Variants in CSMD1 observed in about 807,000 individuals in gnomAD.
CSMD1 encodes CUB and Sushi multiple domains 1.
Under a neutral mutation model 417.5 loss-of-function variants are expected in CSMD1, and 213 were observed. The observed-to-expected ratio is 0.51, with a 90% CI of 0.46 to 0.57. The LOEUF (loss-of-function observed/expected upper bound fraction) is 0.57, where lower values mean the gene tolerates loss of function less well. CSMD1 is among the 20% of genes least tolerant of loss of function. The pLI, the probability that CSMD1 is intolerant of heterozygous loss-of-function variation, is 0.00. For missense variants in CSMD1, 6,923 were observed against 4,529.7 expected (o/e 1.53, Z -15.17); for synonymous variants, 2,862 against 1,736.8 (o/e 1.65, Z -16.11).
At chr8:4,072,134 G>A (rs746238664) in intron 3 of CSMD1, among the ~76,000 whole-genome samples, 23 of 152,134 alleles carry the variant, frequency 1.5e-4, no homozygotes, top group Non-Finnish European at 2.6e-4. Context: ...CAACTCCTTC[G>A]GAATCTGCCT....
chr8:4,247,840 T>A (rs979955338), intron 3 of CSMD1, among the ~76,000 whole-genome samples: 3 of 152,186 alleles, frequency 2.0e-5, no homozygotes, highest in African/African-American at 7.2e-5. Flanking sequence ...ACATTATTAA[T>A]AAATTCTATC....
At chr8:3,766,382 C>A (rs12678855) in intron 5 of CSMD1, among the ~76,000 whole-genome samples, 1 of 152,080 alleles carries the variant, frequency 6.6e-6, no homozygotes, top group Non-Finnish European at 1.5e-5. Flanking sequence ...AAAACGAAAC[C>A]TCCAAGTGCC....
intron 50 of CSMD1, among the ~76,000 whole-genome samples, chr8:3,035,668 G>T (rs1382738495): frequency 6.6e-6 from 1 of 152,122 alleles, no homozygotes; most frequent in Non-Finnish European, 1.5e-5. Context: ...GGAAAATGTA[G>T]CAAAAGAAAG....
intron 49 of CSMD1, among the ~76,000 whole-genome samples, chr8:3,066,453 C>T (rs1194653608): frequency 6.6e-5 from 10 of 152,192 alleles, no homozygotes; most frequent in Non-Finnish European, 1.5e-4. Flanking sequence ...ACAGACCCTG[C>T]AGCCAACAAG....
chr8:4,200,733 G>A (rs7004082), intron 3 of CSMD1, among the ~76,000 whole-genome samples: 14,178 of 152,122 alleles, frequency 0.093, 1,007 homozygotes, highest in African/African-American at 0.19. Flanking sequence ...ATGGTTGTGT[G>A]TATCTGTAGT....
At chr8:3,896,371 T>C (rs75891997) in intron 5 of CSMD1, among the ~76,000 whole-genome samples, 5,434 of 152,224 alleles carry the variant, frequency 0.036, 195 homozygotes, top group African/African-American at 0.092. Context: ...AGACTAATAG[T>C]CCAAACAGAT....
At chr8:3,645,477 A>G (rs1313546540) in intron 7 of CSMD1, among the ~76,000 whole-genome samples, 1 of 152,198 alleles carries the variant, frequency 6.6e-6, no homozygotes, top group South Asian at 2.1e-4. Flanking sequence ...CTAACTGAAA[A>G]TGGGACAGTG....
intron 10 of CSMD1, among the ~76,000 whole-genome samples, chr8:3,514,593 G>A (rs1797210988): frequency 6.6e-6 from 1 of 152,120 alleles, no homozygotes; most frequent in South Asian, 2.1e-4. Flanking sequence ...ATATTTAAGT[G>A]TATTTGTTTT....
At chr8:3,702,539 A>G (rs1027893549) in intron 7 of CSMD1, among the ~76,000 whole-genome samples, 1 of 152,246 alleles carries the variant, frequency 6.6e-6, no homozygotes, top group Non-Finnish European at 1.5e-5. Flanking sequence ...TCATTAAAAA[A>G]TAGAGTGCTG....
At chr8:4,482,594 C>A (rs1801158913) in intron 2 of CSMD1, among the ~76,000 whole-genome samples, 1 of 152,210 alleles carries the variant, frequency 6.6e-6, no homozygotes, top group African/African-American at 2.4e-5. Flanking sequence ...GTTTTATATT[C>A]CTTTGGGTAT....
At chr8:4,149,158 T>C (rs1419736938) in intron 3 of CSMD1, among the ~76,000 whole-genome samples, 1 of 152,030 alleles carries the variant, frequency 6.6e-6, no homozygotes, top group Non-Finnish European at 1.5e-5. Context: ...GAGACAGGGT[T>C]TTCCCATGTT....
intron 3 of CSMD1, among the ~76,000 whole-genome samples, chr8:4,285,089 T>A (rs796619): frequency 1 from 152,158 of 152,306 alleles, 76,005 homozygotes; most frequent in Non-Finnish European, 1. Flanking sequence ...TGTAGGAAAG[T>A]TTTGCTATTA....
intron 1 of CSMD1, among the ~76,000 whole-genome samples, chr8:4,954,261 G>GAT (rs1808938286): frequency 6.6e-6 from 1 of 152,130 alleles, no homozygotes; most frequent in Non-Finnish European, 1.5e-5. Context: ...TACCAATTAC[G>GAT]ATATGGTGTG....
intron 12 of CSMD1, among the ~76,000 whole-genome samples, chr8:3,441,051 T>A (rs1814950509): frequency 6.6e-6 from 1 of 152,164 alleles, no homozygotes; most frequent in Non-Finnish European, 1.5e-5. Flanking sequence ...AATGCCTTTG[T>A]ATGAAACACA....
chr8:4,139,171 T>C (rs558235287), intron 3 of CSMD1, among the ~76,000 whole-genome samples: 26 of 152,300 alleles, frequency 1.7e-4, no homozygotes, highest in African/African-American at 6.0e-4. Flanking sequence ...TGAAACCCTT[T>C]ACTTAAACTG....
intron 53 of CSMD1, among the ~76,000 whole-genome samples, chr8:2,999,020 T>G (rs1003843652): frequency 2.6e-4 from 39 of 152,242 alleles, no homozygotes; most frequent in African/African-American, 8.4e-4. Context: ...ACAATTGGTT[T>G]AAGGGAAATT....
chr8:4,573,959 A>T (rs1799012496), intron 2 of CSMD1, among the ~76,000 whole-genome samples: 1 of 152,180 alleles, frequency 6.6e-6, no homozygotes, highest in South Asian at 2.1e-4. Flanking sequence ...CAGTAATGGC[A>T]GACATCCCTC....
intron 7 of CSMD1, among the ~76,000 whole-genome samples, chr8:3,628,329 G>C (rs912575534): frequency 5.3e-5 from 8 of 152,166 alleles, no homozygotes; most frequent in Non-Finnish European, 8.8e-5. Flanking sequence ...GAACCATCCT[G>C]CCTGCCCACA....
At chr8:3,961,349 C>A (rs141960018) in intron 5 of CSMD1, among the ~76,000 whole-genome samples, 284 of 152,272 alleles carry the variant, frequency 1.9e-3, no homozygotes, top group African/African-American at 6.6e-3. Context: ...ACCGGGTAAG[C>A]CACTGAAGAA....
Sources: allele counts gnomAD v4.1 joint callset (sites outside exome capture counted in the v4.1 genomes callset), GRCh38; gene constraint gnomAD v4.1.1; transcripts MANE v1.5; gene names NCBI Gene and HGNC (gene_info 2026-07-23, HGNC 2026-07-21).